LRRFIP1: variants seen among roughly 807,000 people sequenced by gnomAD.
The protein encoded by LRRFIP1 is LRR binding FLII interacting protein 1, also known as leucine-rich repeat flightless-interacting protein 1.
LRRFIP1 carries 62 observed loss-of-function variants against 104.4 expected under a neutral mutation model. The observed-to-expected ratio is 0.59, with a 90% CI of 0.48 to 0.73. The LOEUF (loss-of-function observed/expected upper bound fraction) is 0.73, where lower values mean the gene tolerates loss of function less well. Ranked by LOEUF, LRRFIP1 falls within the 30% of genes least tolerant of loss-of-function variation. The pLI is 0.00. For synonymous variants in LRRFIP1, 300 were observed against 299.0 expected, an observed-to-expected ratio of 1.00 and a Z score of -0.03; for missense variants, 796 against 824.5, an observed-to-expected ratio of 0.97 and a Z score of 0.42.
chr2:237,749,211 A>G lies in LRRFIP1; in HGVS notation c.682A>G (p.Met228Val). 1 of 1,613,366 alleles carries G rather than the reference A, an allele frequency of 6.2e-7. No homozygotes were observed. Among genetic ancestry groups the G allele is most frequent in the Non-Finnish European group, 8.5e-7 (1 of 1,179,942 alleles). ...KDFTEKGSRN[M>V]PGLSAATLAS... Reference sequence around the variant, plus strand: ...CTCAACGTTCCAGGGGTCTCGTAACATGCCGGGCCTGTCTGCAGCCACGCT... The same window carrying G: ...CTCAACGTTCCAGGGGTCTCGTAACGTGCCGGGCCTGTCTGCAGCCACGCT... The change falls in exon 13 of 24, where the codon ATG becomes GTG. Residue 228 changes from methionine (M) to valine (V), a missense_variant. Met to Val is a conservative substitution (Grantham distance 21). Transcript: ENST00000308482.
chr2:237,664,891 C>G (rs2088885943), intron 1 of LRRFIP1, among the ~76,000 whole-genome samples: 1 of 152,178 alleles, frequency 6.6e-6, no homozygotes. Flanking sequence ...CCTTCTTAAT[C>G]TCGTGTTCCA....
At chr2:237,660,355 A>G (rs2087653307) in intron 1 of LRRFIP1, among the ~76,000 whole-genome samples, 1 of 152,166 alleles carries the variant, frequency 6.6e-6, no homozygotes, top group Non-Finnish European at 1.5e-5. Flanking sequence ...TGGCTTGGCA[A>G]CTCACTGCGT....
intron 1 of LRRFIP1, among the ~76,000 whole-genome samples, chr2:237,697,162 A>G (rs2093244441): frequency 1.3e-5 from 2 of 152,126 alleles, no homozygotes; most frequent in African/African-American, 2.4e-5. Context: ...AGCTGGGACT[A>G]CAGGTGCCTG....
intron 1 of LRRFIP1, among the ~76,000 whole-genome samples, chr2:237,676,084 A>G (rs146301161): frequency 1.3e-5 from 2 of 152,328 alleles, no homozygotes; most frequent in Admixed American, 6.5e-5. Flanking sequence ...AAACTTTTTC[A>G]TCTTCCCAAA....
chr2:237,714,114 A>G (rs2094226597), intron 2 of LRRFIP1, 145 bp from the exon 3 acceptor site: 2 of 551,470 alleles, frequency 3.6e-6, no homozygotes, highest in Non-Finnish European at 6.6e-6. Context: ...TGTCAGTGGG[A>G]CCTCACCTGT....
chr2:237,638,232 C>G (rs977664475), intron 1 of LRRFIP1, among the ~76,000 whole-genome samples: 1 of 152,150 alleles, frequency 6.6e-6, no homozygotes. Flanking sequence ...TGATGGGAGA[C>G]AGTGACAGAT....
At chr2:237,705,993 T>C (rs1335667993) in intron 1 of LRRFIP1, among the ~76,000 whole-genome samples, 1 of 152,266 alleles carries the variant, frequency 6.6e-6, no homozygotes, top group African/African-American at 2.4e-5. Context: ...GGATAATCTG[T>C]CTTTTGAGCA....
At chr2:237,637,377 A>AGAATT in intron 1 of LRRFIP1, among the ~76,000 whole-genome samples, 1 of 152,310 alleles carries the variant, frequency 6.6e-6, no homozygotes, top group African/African-American at 2.4e-5. Context: ...CTGAGGCAGG[A>AGAATT]GAATTGCTTG....
At chr2:237,746,026 C>T (rs2057794941) in intron 11 of LRRFIP1, among the ~76,000 whole-genome samples, 1 of 151,580 alleles carries the variant, frequency 6.6e-6, no homozygotes, top group Non-Finnish European at 1.5e-5. Flanking sequence ...TTCACATTTC[C>T]TTGTTCTTTG....
At chr2:237,762,428 T>C (rs1022692310) in intron 19 of LRRFIP1, among the ~76,000 whole-genome samples, 1 of 152,220 alleles carries the variant, frequency 6.6e-6, no homozygotes, top group Non-Finnish European at 1.5e-5. Flanking sequence ...AATTTACTAA[T>C]GCAACTGCTG....
chr2:237,778,754 T>C (rs1283556489), intron 23 of LRRFIP1, among the ~76,000 whole-genome samples: 1 of 150,988 alleles, frequency 6.6e-6, no homozygotes, highest in Non-Finnish European at 1.5e-5. Flanking sequence ...CCATCTCTAA[T>C]AAAATACAAA....
At chr2:237,772,634 C>T (rs1238923202) in intron 21 of LRRFIP1, 3 of 581,570 alleles carry the variant, frequency 5.2e-6, no homozygotes, top group Non-Finnish European at 9.1e-6. Context: ...CATAGGCACT[C>T]TCTTGCCTGA....
chr2:237,717,855 G>C lies in LRRFIP1; in HGVS notation c.249+46G>C. 7.2e-7 allele frequency: 1 copy of C among 1,390,080 alleles called. No homozygotes were observed. The allele number at this position is 1,390,080 out of a possible 1,614,324, so 86.1% of individuals were successfully genotyped here. ...TGTTTTTACTCTTCCCTCCCCACTT[G>C]AATACAGTGTTGAGACTTAAATGGT... is the stretch of plus-strand genomic sequence containing the variant. On this transcript the variant is annotated intron_variant, in intron 4 of 23. Transcript: ENST00000308482. This position sits in a 1 kb window ranked among gnomAD's most constrained non-coding sequence, Gnocchi z 4.2.
intron 23 of LRRFIP1, among the ~76,000 whole-genome samples, chr2:237,777,516 C>T (rs1033332868): frequency 6.6e-5 from 10 of 152,054 alleles, no homozygotes; most frequent in African/African-American, 1.2e-4. Flanking sequence ...ATGATTATAG[C>T]GATTATGCCA....
intron 10 of LRRFIP1, 50 bp from the exon 11 acceptor site, chr2:237,739,182 C>A: frequency 1.3e-6 from 2 of 1,501,026 alleles, no homozygotes; most frequent in Non-Finnish European, 1.8e-6. Flanking sequence ...CTTTGCTGAC[C>A]CTGTTCCTTT....
chr2:237,759,376 G>A (rs1018565047), intron 18 of LRRFIP1, among the ~76,000 whole-genome samples: 1 of 152,178 alleles, frequency 6.6e-6, no homozygotes, highest in Admixed American at 6.5e-5. Context: ...GTCACCATCT[G>A]CTGCTTGGCC....
chr2:237,649,564 T>C lies in LRRFIP1; in HGVS notation c.96+21824T>C, dbSNP rs886256452. 2.6e-5 allele frequency among the ~76,000 whole-genome samples: 4 copies of C among 151,944 alleles called. No homozygotes were observed. The highest frequency in any genetic ancestry group is 5.9e-5 in the Non-Finnish European group (4 of 67,934). ...AGAACACTGTGGTGTGAGAGGCAATTGTGGGTCAGCCTGAGGGCACACCCA... is the reference window on the plus strand; with the variant it reads ...AGAACACTGTGGTGTGAGAGGCAATCGTGGGTCAGCCTGAGGGCACACCCA... On this transcript the variant is annotated intron_variant, in intron 1 of 23. Coordinates refer to ENST00000308482, the MANE Select transcript of LRRFIP1 (RefSeq NM_001137550.2). The surrounding 1 kb of genome is among the most constrained non-coding windows in gnomAD (Gnocchi z 4.1).
In LRRFIP1 at chr2:237,711,114, A is replaced by T. The variant is rs2094057931; in HGVS notation, c.183+2484A>T. The stretch of plus-strand genomic sequence containing the variant: ...AAATAAAAAGTAGTTGCTACTCCAG[A>T]TGGGAAACCAAGTCTTGGGCATTTA... On this transcript the variant is annotated intron_variant, in intron 2 of 23. Coordinates refer to ENST00000308482, the MANE Select transcript of LRRFIP1 (RefSeq NM_001137550.2). This position sits in a 1 kb window ranked among gnomAD's most constrained non-coding sequence, Gnocchi z 4.4. Among the ~76,000 whole-genome samples, 1 of 152,204 alleles carries T rather than the reference A, an allele frequency of 6.6e-6. No individual in the cohort carries two copies. Among genetic ancestry groups the T allele is most frequent in the Non-Finnish European group, 1.5e-5 (1 of 68,036 alleles).
At chr2:237,705,565 G>A (rs6733016) in intron 1 of LRRFIP1, among the ~76,000 whole-genome samples, 93 of 152,162 alleles carry the variant, frequency 6.1e-4, no homozygotes, top group African/African-American at 2.2e-3. Context: ...TTGGGAGGCC[G>A]AGGTGGGAGA....
Sources: allele counts gnomAD v4.1 joint callset (sites outside exome capture counted in the v4.1 genomes callset), GRCh38; gene constraint gnomAD v4.1.1; non-coding constraint Gnocchi (gnomAD v3.1); transcripts MANE v1.5; gene names NCBI Gene and HGNC (gene_info 2026-07-23, HGNC 2026-07-21).